Variants in EPN1 observed in about 807,000 individuals in gnomAD.
EPN1 encodes epsin-1.
Under a neutral mutation model 56.9 loss-of-function variants are expected in EPN1, and 25 were observed. The ratio of observed to expected loss-of-function variants is 0.44; its 90% CI spans 0.32 to 0.61. EPN1 has a LOEUF of 0.61. EPN1 is among the 20% of genes least tolerant of loss of function. The pLI is 0.05. For missense variants in EPN1, 785 were observed against 823.7 expected (o/e 0.95, Z 0.58); for synonymous variants, 411 against 361.8 (o/e 1.14, Z -1.54).
In EPN1 at chr19:55,685,598, G is replaced by A. The variant is rs1426616114; in HGVS notation, c.431G>A (p.Arg144Gln). 4 of 1,605,352 alleles carry A rather than the reference G, an allele frequency of 2.5e-6. No individual in the cohort carries two copies. Among genetic ancestry groups the A allele is most frequent in the Non-Finnish European group, 3.4e-6 (4 of 1,176,592 alleles). Residue 144 changes from arginine to glutamine, a missense_variant, in exon 3 of 11, where the codon CGG (arginine) becomes CAG (glutamine). Physicochemically the swap from Arg to Gln is conservative, Grantham distance 43. This residue lies in a region of EPN1 where 135 missense variants were observed against 218.7 expected (regional missense o/e 0.62). Coordinates refer to ENST00000270460, the MANE Select transcript of EPN1 (RefSeq NM_001130072.2). ...LRDEDRLREE[R>Q]AHALKTKEKL... The stretch of plus-strand genomic sequence containing the variant: ...GACGAGGACCGGCTGCGGGAAGAGC[G>A]GGCGCACGCGCTCAAGACCAAGGAA...
In EPN1 at chr19:55,707,885, C is replaced by T. The variant is rs369592450; in HGVS notation, c.*12529C>T. The T allele has an allele frequency of 9.1e-5, 14 of 154,036 alleles. 1 individual carries two copies. Among genetic ancestry groups the T allele is most frequent in the Middle Eastern group, 1.3e-3 (2 of 1,490 alleles). The allele number at this position is 154,036 out of a possible 1,614,324, so 9.5% of individuals were successfully genotyped here. On this transcript the variant is annotated 3_prime_UTR_variant, in exon 11 of 11. Transcript: ENST00000270460. ...GTCTTAAAGTCCTGACCTGGTGATCCGCCCGCGTGGACCTCCCAAAGTGCT... is the reference window on the plus strand; with the variant it reads ...GTCTTAAAGTCCTGACCTGGTGATCTGCCCGCGTGGACCTCCCAAAGTGCT...
In EPN1 at chr19:55,689,470, G is replaced by C. The variant is rs902820554; in HGVS notation, c.678+99G>C. On this transcript the variant is annotated intron_variant, in intron 5 of 10. Coordinates refer to ENST00000270460, the MANE Select transcript of EPN1 (RefSeq NM_001130072.2). This position sits in a 1 kb window ranked among gnomAD's most constrained non-coding sequence, Gnocchi z 5.7. ...CACCCCCCACCATCCTGCTGGGCCC[G>C]AAGCCCACAGGCTCACGCGTGTTGA... 4 of 893,170 alleles carry C rather than the reference G, an allele frequency of 4.5e-6. No homozygotes were observed. Among genetic ancestry groups the C allele is most frequent in the Non-Finnish European group, 7.2e-6 (4 of 559,216 alleles). The allele number at this position is 893,170 out of a possible 1,614,324, so 55.3% of individuals were successfully genotyped here.
intron 3 of EPN1, among the ~76,000 whole-genome samples, chr19:55,687,304 G>A (rs1013638526): frequency 2.6e-5 from 4 of 152,068 alleles, no homozygotes; most frequent in Admixed American, 2.0e-4. Context: ...AGGAGGATGG[G>A]GGCAGCTAGG....
rs376966909 is a variant in EPN1 at position 55,677,266 on chromosome 19, C to T, written c.-101-1261C>T. ...CTGAACCTCTGTGTCTCAGTTTCCACCCTGTGAGGTGGCTATGAATCATGG... is the reference window on the plus strand; with the variant it reads ...CTGAACCTCTGTGTCTCAGTTTCCATCCTGTGAGGTGGCTATGAATCATGG... On this transcript the variant is annotated intron_variant, in intron 1 of 10. Coordinates refer to ENST00000270460, the MANE Select transcript of EPN1 (RefSeq NM_001130072.2). 3.3e-4 allele frequency: 359 copies of T among 1,080,760 alleles called. No homozygotes were observed. The African/African-American group carries it at 5.0e-3, about 15-fold the overall frequency. The allele number at this position is 1,080,760 out of a possible 1,614,324, so 66.9% of individuals were successfully genotyped here. A position where few individuals can be genotyped will look rare whatever the true frequency, so the allele number is the denominator to read the frequency against.
At position 55,708,707 on chromosome 19, in the gene EPN1, CAA is replaced by C; in HGVS notation, c.*13352_*13353del. 2.4e-6 allele frequency: 1 copy of C among 408,994 alleles called. No homozygotes were observed. The highest frequency in any genetic ancestry group is 4.4e-6 in the Non-Finnish European group (1 of 229,702). The allele number at this position is 408,994 out of a possible 1,614,324, so 25.3% of individuals were successfully genotyped here. On this transcript the variant is annotated 3_prime_UTR_variant, in exon 11 of 11. Coordinates refer to ENST00000270460, the MANE Select transcript of EPN1 (RefSeq NM_001130072.2). The stretch of plus-strand genomic sequence containing the variant: ...CAAGGCAGGATGGGATTTCTAAAGA[CAA>C]GGGGATATAGGACCGAGGCAAAGAC...
At chr19:55,692,903 G>C (rs1986663874) in intron 8 of EPN1, 48 bp from the exon 9 acceptor site, 1 of 1,605,568 alleles carries the variant, frequency 6.2e-7, no homozygotes, top group African/African-American at 1.3e-5. Flanking sequence ...GGTGGGGGCT[G>C]AGGCGGGGCC....
chr19:55,679,278 C>T (rs1257767000), intron 2 of EPN1, among the ~76,000 whole-genome samples: 1 of 152,260 alleles, frequency 6.6e-6, no homozygotes, highest in Non-Finnish European at 1.5e-5. Flanking sequence ...CAGGACTCAG[C>T]GACTGGGTTT....
rs200769683 is a variant in EPN1 at position 55,692,999 on chromosome 19, G to C, written c.1226G>C (p.Arg409Pro). The C allele has an allele frequency of 3.7e-6, 6 of 1,613,286 alleles. No homozygotes were observed. The African/African-American group carries it at 8.0e-5, about 22-fold the overall frequency. ...CCCGACGAGTTCTCTGACTTTGACCGACTCCGCACGGCACTGCCGACCTCC... is the reference window on the plus strand; with the variant it reads ...CCCGACGAGTTCTCTGACTTTGACCCACTCCGCACGGCACTGCCGACCTCC... ...TEPDEFSDFD[R>P]LRTALPTSGS... Residue 409 changes from arginine (R) to proline (P), a missense_variant, in exon 9 of 11, where the codon CGA becomes CCA. Arg to Pro is a moderately radical substitution (Grantham distance 103). Coordinates refer to ENST00000270460, the MANE Select transcript of EPN1 (RefSeq NM_001130072.2).
In EPN1 at chr19:55,703,140, G is replaced by A. The variant is rs1033687279; in HGVS notation, c.*7784G>A. On this transcript the variant is annotated 3_prime_UTR_variant, in exon 11 of 11. Coordinates refer to ENST00000270460, the MANE Select transcript of EPN1 (RefSeq NM_001130072.2). ...AGATTATTTCCTTTGGCCCTGCGTG[G>A]TCTCTCTCTGGCTGGGCAGCTCTGG... 1.3e-5 allele frequency: 2 copies of A among 152,156 alleles called. No homozygotes were observed. The highest frequency in any genetic ancestry group is 4.8e-5 in the African/African-American group (2 of 41,380). 9.4% of individuals were successfully genotyped at this position (152,156 alleles called of 1,614,324 possible).
chr19:55,675,742 C>T (rs1042351140), intron 1 of EPN1, among the ~76,000 whole-genome samples: 2 of 152,138 alleles, frequency 1.3e-5, no homozygotes. Context: ...TCTCCTCTGT[C>T]TGTCGTGTCT....
chr19:55,696,236 C>T lies in EPN1; in HGVS notation c.*880C>T, dbSNP rs1986905133. On this transcript the variant is annotated 3_prime_UTR_variant, in exon 11 of 11. Transcript: ENST00000270460. ...GAGCTGAGTGGACCACCAGGCGCCT[C>T]CTGGTTGTCCTCTGTGTGCTGTTTT... 2 of 152,380 alleles carry T rather than the reference C, an allele frequency of 1.3e-5. No homozygotes were observed. Among genetic ancestry groups the T allele is most frequent in the African/African-American group, 4.8e-5 (2 of 41,450 alleles). 9.4% of individuals were successfully genotyped at this position (152,380 alleles called of 1,614,324 possible). A position where few individuals can be genotyped will look rare whatever the true frequency, so the allele number is the denominator to read the frequency against.
Position 55,706,690 on chromosome 19 carries a change from A to T in EPN1, c.*11334A>T, listed in dbSNP as rs569986663. The T allele has an allele frequency of 1.4e-5, 2 of 144,934 alleles. No homozygotes were observed. The highest frequency in any genetic ancestry group is 3.0e-5 in the Non-Finnish European group (2 of 66,128). The allele number at this position is 144,934 out of a possible 1,614,324, so 9.0% of individuals were successfully genotyped here. ...AGAGGGGAAGGGAAGGGAGAGATTT[A>T]AAAAACAATAGTAAAGAGAGATTTA... On this transcript the variant is annotated 3_prime_UTR_variant, in exon 11 of 11. Transcript: ENST00000270460.
chr19:55,682,326 T>C (rs992118691), intron 2 of EPN1, among the ~76,000 whole-genome samples: 2 of 152,244 alleles, frequency 1.3e-5, no homozygotes, highest in Non-Finnish European at 2.9e-5. Context: ...TCTTGAGCTT[T>C]ATATATGTGG....
chr19:55,687,991 A>G (rs958389968), intron 3 of EPN1, among the ~76,000 whole-genome samples: 1 of 152,188 alleles, frequency 6.6e-6, no homozygotes, highest in African/African-American at 2.4e-5. Context: ...ACACAAGTAC[A>G]GGACACAGGT....
In EPN1 at chr19:55,693,208, GT is replaced by G. The variant is rs1471514890; in HGVS notation, c.1264+172del. On this transcript the variant is annotated intron_variant, in intron 9 of 10. Coordinates refer to ENST00000270460, the MANE Select transcript of EPN1 (RefSeq NM_001130072.2). The stretch of plus-strand genomic sequence containing the variant: ...AACCATCCACCTGTCTTTAAAAGAA[GT>G]GTGCATCTTTATTTTAGAGAAATTG... 5.5e-6 allele frequency: 3 copies of G among 549,004 alleles called. No homozygotes were observed. The African/African-American group carries it at 5.7e-5, about 10-fold the overall frequency. The allele number at this position is 549,004 out of a possible 1,614,324, so 34.0% of individuals were successfully genotyped here.
At chr19:55,679,409 C>T (rs1185276007) in intron 2 of EPN1, among the ~76,000 whole-genome samples, 1 of 152,246 alleles carries the variant, frequency 6.6e-6, no homozygotes, top group Non-Finnish European at 1.5e-5. Context: ...GTTATACTCC[C>T]AGTGGCGGGA....
At position 55,708,412 on chromosome 19, in the gene EPN1, G is replaced by C. The variant is rs1453347511; in HGVS notation, c.*13056G>C. 1 of 123,086 alleles carries C rather than the reference G, an allele frequency of 8.1e-6. No homozygotes were observed. The highest frequency in any genetic ancestry group is 1.7e-5 in the Non-Finnish European group (1 of 59,850). 7.6% of individuals were successfully genotyped at this position (123,086 alleles called of 1,614,324 possible). On this transcript the variant is annotated 3_prime_UTR_variant, in exon 11 of 11. Coordinates refer to ENST00000270460, the MANE Select transcript of EPN1 (RefSeq NM_001130072.2). ...AATTTTTAGAAAAATCTATTGGGGTGTCATATATAAAAGGATAAGTAGAGA... is the reference window on the plus strand; with the variant it reads ...AATTTTTAGAAAAATCTATTGGGGTCTCATATATAAAAGGATAAGTAGAGA...
rs559712752 is a variant in EPN1 at position 55,690,007 on chromosome 19, G to T, written c.762+57G>T. 3 of 1,463,748 alleles carry T rather than the reference G, an allele frequency of 2.0e-6. No individual in the cohort carries two copies. In the East Asian group the frequency reaches 7.3e-5, roughly 36 times the overall value. 90.7% of individuals were successfully genotyped at this position (1,463,748 alleles called of 1,614,324 possible). A position where few individuals can be genotyped will look rare whatever the true frequency, so the allele number is the denominator to read the frequency against. On this transcript the variant is annotated intron_variant, in intron 6 of 10. Transcript: ENST00000270460. ...CCTGCAGGTGTCCGTCCGTCCCATC[G>T]CTCATTCCTGCGTGGCCAGGTCCCT...
rs553756394 is a variant in EPN1 at position 55,698,641 on chromosome 19, C to T, written c.*3285C>T. 6.6e-6 allele frequency: 1 copy of T among 152,544 alleles called. No homozygotes were observed. The highest frequency in any genetic ancestry group is 1.9e-4 in the East Asian group (1 of 5,192). 9.4% of individuals were successfully genotyped at this position (152,544 alleles called of 1,614,324 possible). ...CCAGCCTCAGGGCTTTCAGTCCTGC[C>T]TTGATCTTTTTTTATACTGAAACTC... On this transcript the variant is annotated 3_prime_UTR_variant, in exon 11 of 11. Coordinates refer to ENST00000270460, the MANE Select transcript of EPN1 (RefSeq NM_001130072.2).
Sources: allele counts gnomAD v4.1 joint callset (sites outside exome capture counted in the v4.1 genomes callset), GRCh38; gene constraint gnomAD v4.1.1; regional missense constraint gnomAD v4.1.1; non-coding constraint Gnocchi (gnomAD v3.1); transcripts MANE v1.5; gene names NCBI Gene and HGNC (gene_info 2026-07-23, HGNC 2026-07-21).